The following FIGN variants were observed in gnomAD, a reference collection of about 807,000 sequenced individuals.
FIGN encodes the protein fidgetin, microtubule severing factor.
FIGN carries 11 observed loss-of-function variants against 51.3 expected under a neutral mutation model. The ratio of observed to expected loss-of-function variants is 0.21; its 90% CI spans 0.13 to 0.35. FIGN has a LOEUF of 0.35. FIGN is among the 10% of genes least tolerant of loss of function. The pLI is 1.00. For synonymous variants in FIGN, 407 were observed against 363.2 expected (o/e 1.12, Z -1.37); for missense variants, 857 against 943.6 (o/e 0.91, Z 1.20).
At chr2:163,734,571 A>AAAC (rs1343663639) in intron 2 of FIGN, among the ~76,000 whole-genome samples, 1 of 150,742 alleles carries the variant, frequency 6.6e-6, no homozygotes, top group African/African-American at 2.4e-5. Flanking sequence ...AAAAAAAAAA[A>AAAC]AAAAAACCCA....
intron 2 of FIGN, among the ~76,000 whole-genome samples, chr2:163,646,125 T>C (rs1159426043): frequency 6.6e-6 from 1 of 152,194 alleles, no homozygotes; most frequent in Non-Finnish European, 1.5e-5. Context: ...AAATTTACTG[T>C]ACTGTCAAAT....
At chr2:163,689,231 G>T (rs1197353204) in intron 2 of FIGN, among the ~76,000 whole-genome samples, 1 of 151,482 alleles carries the variant, frequency 6.6e-6, no homozygotes, top group Non-Finnish European at 1.5e-5. Flanking sequence ...GATTATGAGA[G>T]GCTGGAGCAA....
chr2:163,645,179 A>C (rs1048390130), intron 2 of FIGN, among the ~76,000 whole-genome samples: 2 of 152,196 alleles, frequency 1.3e-5, no homozygotes, highest in South Asian at 2.1e-4. Flanking sequence ...GTAAAATGAC[A>C]TTAGAGACAG....
Position 163,735,074 on chromosome 2 carries a change from T to TGA in FIGN, c.-145-3_-145-2insTC. On this transcript the variant is annotated splice_region_variant and splice_polypyrimidine_tract_variant and intron_variant, in intron 1 of 2. Transcript: ENST00000333129. ...CCTTTCGTCAGGTATTCATTTAACC[T>TGA]ACATGCATATAATTAAGGGGGAAAG... 1 of 605,476 alleles carries TGA rather than the reference T, an allele frequency of 1.7e-6. No homozygotes were observed. The highest frequency in any genetic ancestry group is 1.9e-5 in the African/African-American group (1 of 52,132). The allele number at this position is 605,476 out of a possible 1,614,324, so 37.5% of individuals were successfully genotyped here.
Position 163,611,166 on chromosome 2 carries a change from G to T in FIGN, c.666C>A (p.Pro222=), listed in dbSNP as rs747601724. Residue 222 remains proline, a synonymous_variant, in exon 3 of 3, where the codon CCC becomes CCA. Transcript: ENST00000333129. ...SPLHSSGLLQ[P]PPPPPPPPAL... is the part of the protein sequence containing the mutation. ...CTGGTGGCGGAGGAGGTGGTGGTGGGGGCTGTAGTAGCCCAGAGCTATGCA... is the reference window on the plus strand; with the variant it reads ...CTGGTGGCGGAGGAGGTGGTGGTGGTGGCTGTAGTAGCCCAGAGCTATGCA... The T allele has an allele frequency of 6.2e-7, 1 of 1,614,120 alleles. No homozygotes were observed.
intron 2 of FIGN, among the ~76,000 whole-genome samples, chr2:163,697,924 C>T (rs951040358): frequency 1.3e-5 from 2 of 152,174 alleles, no homozygotes; most frequent in Non-Finnish European, 2.9e-5. Flanking sequence ...TCTCTATCTT[C>T]ATTGTCACTT....
intron 2 of FIGN, among the ~76,000 whole-genome samples, chr2:163,616,001 T>C (rs2105302503): frequency 6.6e-6 from 1 of 152,292 alleles, no homozygotes; most frequent in Middle Eastern, 3.4e-3. Flanking sequence ...GAATGACAGG[T>C]ACTAGAGTAA....
At chr2:163,630,063 C>T (rs1440752785) in intron 2 of FIGN, among the ~76,000 whole-genome samples, 1 of 145,064 alleles carries the variant, frequency 6.9e-6, no homozygotes, top group East Asian at 2.1e-4. Context: ...TGGTCTCAGG[C>T]AATCCTCTCA....
At chr2:163,688,774 C>A (rs893170586) in intron 2 of FIGN, among the ~76,000 whole-genome samples, 4 of 152,060 alleles carry the variant, frequency 2.6e-5, no homozygotes, top group South Asian at 4.1e-4. Context: ...TTTTATTCAA[C>A]AAAATTGGAT....
chr2:163,676,349 G>T (rs958458384), intron 2 of FIGN, among the ~76,000 whole-genome samples: 3 of 146,674 alleles, frequency 2.0e-5, no homozygotes, highest in African/African-American at 7.5e-5. Flanking sequence ...CTCTATCAAA[G>T]AAAACTTTTA....
intron 2 of FIGN, among the ~76,000 whole-genome samples, chr2:163,666,372 T>C (rs1361386580): frequency 1.3e-5 from 2 of 152,186 alleles, no homozygotes; most frequent in Non-Finnish European, 2.9e-5. Context: ...AAGCAGAAGC[T>C]GTCTCCTCCA....
chr2:163,669,015 A>AATATATATATATATATAT lies in FIGN; in HGVS notation c.26-57227_26-57210dup, dbSNP rs138074416. 7.8e-3 allele frequency among the ~76,000 whole-genome samples: 1,078 copies of AATATATATATATATATAT among 138,282 alleles called. 9 individuals are homozygous for AATATATATATATATATAT. The highest frequency in any genetic ancestry group is 0.015 in the African/African-American group (523 of 35,294). The allele number at this position is 138,282 out of a possible 152,430, so 90.7% of individuals were successfully genotyped here. A position where few individuals can be genotyped will look rare whatever the true frequency, so the allele number is the denominator to read the frequency against. ...TCTTAGCATAATTAAGAAAAAAAGG[A>AATATATATATATATATAT]ATATATATATATATATATATACACT... On this transcript the variant is annotated intron_variant, in intron 2 of 2. Coordinates refer to ENST00000333129, the MANE Select transcript of FIGN (RefSeq NM_018086.4).
Position 163,636,653 on chromosome 2 carries a change from T to C in FIGN, c.26-24847A>G, listed in dbSNP as rs905730740. Among the ~76,000 whole-genome samples, 4 of 152,286 alleles carry C rather than the reference T, an allele frequency of 2.6e-5. No individual in the cohort carries two copies. The East Asian group carries it at 7.7e-4, about 29-fold the overall frequency. On this transcript the variant is annotated intron_variant, in intron 2 of 2. Coordinates refer to ENST00000333129, the MANE Select transcript of FIGN (RefSeq NM_018086.4). ...CACAATAGCTTGCTTTTGGTAAGTA[T>C]TTGAATGGGTAATAGAAATTGATGG...
Position 163,603,312 on chromosome 2 carries a change from G to C in FIGN, c.*6240C>G, listed in dbSNP as rs972908110. ...CCCAAAGAAACATGTACTATATAGG[G>C]CTTTTCTTCTTTCAAGGGGTCAAAA... is the stretch of plus-strand genomic sequence containing the variant. On this transcript the variant is annotated 3_prime_UTR_variant, in exon 3 of 3. Coordinates refer to ENST00000333129, the MANE Select transcript of FIGN (RefSeq NM_018086.4). 6.6e-6 allele frequency: 1 copy of C among 152,030 alleles called. No individual in the cohort carries two copies. Among genetic ancestry groups the C allele is most frequent in the African/African-American group, 2.4e-5 (1 of 41,434 alleles). 9.4% of individuals were successfully genotyped at this position (152,030 alleles called of 1,614,324 possible). A position where few individuals can be genotyped will look rare whatever the true frequency, so the allele number is the denominator to read the frequency against.
In FIGN at chr2:163,611,384, T is replaced by C; in HGVS notation, c.448A>G (p.Ser150Gly). Reference protein sequence around the residue: ...PPADVSASIGSSPGVASNLTE... With the variant: ...PPADVSASIGGSPGVASNLTE... ...AGGTTGCTGGCTACCCCAGGAGAGC[T>C]TCCTATACTCGCAGAGACATCTGCT... The change falls in exon 3 of 3, where the codon AGC becomes GGC. Residue 150 changes from serine to glycine, a missense_variant. Physicochemically the swap from Ser to Gly is moderately conservative, Grantham distance 56. Around this residue, in one of 3 missense-constraint regions of FIGN, gnomAD observed 799 missense variants for 849.5 expected, o/e 0.94. Transcript: ENST00000333129. The C allele has an allele frequency of 6.2e-7, 1 of 1,614,178 alleles. No individual in the cohort carries two copies. Among genetic ancestry groups the C allele is most frequent in the Non-Finnish European group, 8.5e-7 (1 of 1,180,028 alleles).
At chr2:163,717,631 T>C (rs1684690325) in intron 2 of FIGN, among the ~76,000 whole-genome samples, 1 of 152,118 alleles carries the variant, frequency 6.6e-6, no homozygotes, top group Non-Finnish European at 1.5e-5. Flanking sequence ...ATATCATAGT[T>C]GTGTTCAATA....
chr2:163,718,119 C>T (rs565898456), intron 2 of FIGN, among the ~76,000 whole-genome samples: 9 of 152,182 alleles, frequency 5.9e-5, no homozygotes, highest in South Asian at 4.2e-4. Flanking sequence ...AGAGCAAACA[C>T]GTCTCTCAGT....
chr2:163,683,703 T>G (rs1684100877), intron 2 of FIGN, among the ~76,000 whole-genome samples: 1 of 152,120 alleles, frequency 6.6e-6, no homozygotes, highest in Admixed American at 6.5e-5. Flanking sequence ...AGACTCTGAA[T>G]TAATTGGTTA....
At chr2:163,636,621 G>C (rs1014034941) in intron 2 of FIGN, among the ~76,000 whole-genome samples, 2 of 152,110 alleles carry the variant, frequency 1.3e-5, no homozygotes, top group Admixed American at 1.3e-4. Context: ...GTATGGATGA[G>C]CAACTGCACA....
Sources: allele counts gnomAD v4.1 joint callset (sites outside exome capture counted in the v4.1 genomes callset), GRCh38; gene constraint gnomAD v4.1.1; regional missense constraint gnomAD v4.1.1; transcripts MANE v1.5; gene names NCBI Gene and HGNC (gene_info 2026-07-23, HGNC 2026-07-21).